Variants in CDH13 observed in about 807,000 individuals in gnomAD.
CDH13 encodes the protein cadherin-13.
A neutral mutation model predicts 63.8 loss-of-function variants in CDH13; 24 were observed. The ratio of observed to expected loss-of-function variants is 0.38; its 90% confidence interval spans 0.27 to 0.53. The LOEUF (loss-of-function observed/expected upper bound fraction) is 0.53, where lower values mean the gene tolerates loss of function less well. Among genes scored for constraint, CDH13 ranks in the 20% least tolerant of loss-of-function variants. CDH13 has a pLI of 0.85. For synonymous variants in CDH13, 503 were observed against 355.3 expected (o/e 1.42, Z -4.67); for missense variants, 1,049 against 903.1 (o/e 1.16, Z -2.07).
At position 82,994,807 on chromosome 16, in the gene CDH13, T is replaced by C. The variant is rs533270282; in HGVS notation, c.158-37203T>C. ...GTCAGTTTAGTTCAGCTTTGTGAAATACTGAAGGATTTCAGACCACTATTA... is the reference window on the plus strand; with the variant it reads ...GTCAGTTTAGTTCAGCTTTGTGAAACACTGAAGGATTTCAGACCACTATTA... On this transcript the variant is annotated intron_variant, in intron 2 of 13. Coordinates refer to ENST00000567109, the MANE Select transcript of CDH13 (RefSeq NM_001257.5). Among the ~76,000 whole-genome samples, 7 of 152,298 alleles carry C rather than the reference T, an allele frequency of 4.6e-5. No individual in the cohort carries two copies. In the South Asian group the frequency reaches 1.5e-3, roughly 32 times the overall value.
chr16:83,437,860 C>G (rs534970995), intron 6 of CDH13, among the ~76,000 whole-genome samples: 1 of 152,114 alleles, frequency 6.6e-6, no homozygotes, highest in Non-Finnish European at 1.5e-5. Flanking sequence ...GGAGAAAAAG[C>G]AAATAAAGAT....
intron 8 of CDH13, among the ~76,000 whole-genome samples, chr16:83,657,086 T>C (rs868473398): frequency 1.2e-4 from 18 of 152,322 alleles, no homozygotes; most frequent in Non-Finnish European, 2.1e-4. Context: ...TAAAGTCACA[T>C]GAATAAGATC....
At chr16:83,326,029 G>C (rs538983334) in intron 5 of CDH13, among the ~76,000 whole-genome samples, 50 of 152,218 alleles carry the variant, frequency 3.3e-4, no homozygotes, top group African/African-American at 1.1e-3. Context: ...ACGCAGGCAA[G>C]CAGATGATAG....
chr16:83,376,938 G>T (rs529300767), intron 6 of CDH13, among the ~76,000 whole-genome samples: 2 of 152,246 alleles, frequency 1.3e-5, no homozygotes, highest in South Asian at 4.1e-4. Flanking sequence ...TGGCTACCTG[G>T]AGACTGCCCT....
chr16:83,096,200 C>T (rs1388833342), intron 3 of CDH13, among the ~76,000 whole-genome samples: 1 of 152,142 alleles, frequency 6.6e-6, no homozygotes, highest in Non-Finnish European at 1.5e-5. Flanking sequence ...TGGACTTTGT[C>T]CTTGTGAATC....
intron 3 of CDH13, among the ~76,000 whole-genome samples, chr16:83,093,562 C>T (rs1474310553): frequency 2.6e-5 from 4 of 151,916 alleles, no homozygotes; most frequent in African/African-American, 9.7e-5. Flanking sequence ...TCAGGTGATC[C>T]ACCTACCTCG....
chr16:83,335,393 A>AAC (rs10657376), intron 5 of CDH13, among the ~76,000 whole-genome samples: 85,374 of 150,754 alleles, frequency 0.57, 24,161 homozygotes, highest in Middle Eastern at 0.63. Flanking sequence ...GTGTGAGTCA[A>AAC]ACACACACAC....
intron 1 of CDH13, among the ~76,000 whole-genome samples, chr16:82,654,652 G>A (rs1911095571): frequency 6.6e-6 from 1 of 152,182 alleles, no homozygotes; most frequent in South Asian, 2.1e-4. Context: ...CTTTTATTTG[G>A]GGGCAGACAT....
intron 1 of CDH13, among the ~76,000 whole-genome samples, chr16:82,688,087 T>C (rs536412811): frequency 2.7e-4 from 41 of 152,276 alleles, no homozygotes; most frequent in African/African-American, 9.1e-4. Flanking sequence ...TTTTACCTTT[T>C]TGTGAAGCTG....
chr16:83,351,057 C>T (rs2151375083), intron 6 of CDH13, among the ~76,000 whole-genome samples: 1 of 152,296 alleles, frequency 6.6e-6, no homozygotes, highest in South Asian at 2.1e-4. Flanking sequence ...TATTTGACAC[C>T]TAGCTCAGCC....
chr16:83,651,713 A>G (rs1431464628), intron 8 of CDH13, among the ~76,000 whole-genome samples: 3 of 147,034 alleles, frequency 2.0e-5, no homozygotes. Flanking sequence ...CTCCTGCCTC[A>G]GCCTCCCAAG....
At chr16:83,581,837 T>TA (rs1567782440) in intron 7 of CDH13, among the ~76,000 whole-genome samples, 1 of 152,038 alleles carries the variant, frequency 6.6e-6, no homozygotes. Flanking sequence ...AATAAATAAA[T>TA]AATAAAAGAA....
chr16:83,406,230 G>A (rs150040114), intron 6 of CDH13, among the ~76,000 whole-genome samples: 98 of 152,258 alleles, frequency 6.4e-4, no homozygotes, highest in African/African-American at 2.0e-3. Flanking sequence ...GGTAGCGCCC[G>A]GTGGTAACCA....
chr16:83,058,656 G>A (rs1222137128), intron 3 of CDH13, among the ~76,000 whole-genome samples: 2 of 152,196 alleles, frequency 1.3e-5, no homozygotes, highest in African/African-American at 2.4e-5. Flanking sequence ...ATGTTGTGGT[G>A]TAAGTGTCTC....
intron 6 of CDH13, among the ~76,000 whole-genome samples, chr16:83,375,439 TCA>T (rs531473580): frequency 2.6e-5 from 4 of 152,304 alleles, no homozygotes; most frequent in Admixed American, 6.5e-5. Flanking sequence ...AAAATTGTAC[TCA>T]TTCTGCTGAC....
At chr16:83,026,601 T>A (rs117152574) in intron 2 of CDH13, among the ~76,000 whole-genome samples, 4,567 of 152,008 alleles carry the variant, frequency 0.03, 96 homozygotes, top group Non-Finnish European at 0.045. Flanking sequence ...ATAGTGGCAA[T>A]TAGAAAAAAA....
chr16:83,693,025 G>A (rs1247843213), intron 10 of CDH13, among the ~76,000 whole-genome samples: 1 of 152,220 alleles, frequency 6.6e-6, no homozygotes, highest in Admixed American at 6.5e-5. Context: ...AGAGGTTGTG[G>A]TGAGCTGAGA....
chr16:83,497,710 A>T (rs1163761848), intron 7 of CDH13, among the ~76,000 whole-genome samples: 2 of 152,226 alleles, frequency 1.3e-5, no homozygotes, highest in African/African-American at 4.8e-5. Context: ...CTCATGCGTC[A>T]TCAAAACATA....
chr16:83,190,474 C>G lies in CDH13; in HGVS notation c.484-26871C>G, dbSNP rs1251466822. 2.0e-5 allele frequency among the ~76,000 whole-genome samples: 3 copies of G among 152,158 alleles called. No individual in the cohort carries two copies. In the East Asian group the frequency reaches 5.8e-4, roughly 29 times the overall value. ...GACCCTAGTATTTTTTCCAATTGTC[C>G]TTTATTTTCAGTTGCCACCATGTCT... On this transcript the variant is annotated intron_variant, in intron 4 of 13. Transcript: ENST00000567109.
Sources: gnomAD v4.1 joint callset for allele counts (sites outside exome capture counted in the v4.1 genomes callset) on GRCh38, gnomAD v4.1.1 for gene constraint, MANE v1.5 for transcripts, NCBI Gene and HGNC (gene_info 2026-07-23, HGNC 2026-07-21) for gene names.